The following LPP variants were observed in gnomAD, a reference collection of about 807,000 sequenced individuals.
The protein encoded by LPP is lipoma-preferred partner.
Under a neutral mutation model 60.4 loss-of-function variants are expected in LPP, and 38 were observed. That is an observed-to-expected ratio of 0.63 (90% CI 0.49 to 0.83). The LOEUF (loss-of-function observed/expected upper bound fraction) is 0.83, where lower values mean the gene tolerates loss of function less well. Ranked by LOEUF, LPP falls within the 40% of genes least tolerant of loss-of-function variation. The probability of loss-of-function intolerance (pLI) is 0.00; values close to 1 mark genes in which losing one functional copy is unlikely to be tolerated. For missense variants in LPP, 902 were observed against 783.6 expected, an observed-to-expected ratio of 1.15 and a Z score of -1.80; for synonymous variants, 328 against 290.8, an observed-to-expected ratio of 1.13 and a Z score of -1.30.
intron 4 of LPP, among the ~76,000 whole-genome samples, chr3:188,422,536 C>G (rs1042641591): frequency 6.6e-6 from 1 of 152,076 alleles, no homozygotes; most frequent in Non-Finnish European, 1.5e-5. Flanking sequence ...TTGCAAACAC[C>G]TCATTAAACT....
intron 9 of LPP, among the ~76,000 whole-genome samples, chr3:188,859,082 C>G (rs1764545043): frequency 9.5e-6 from 1 of 105,070 alleles, no homozygotes; most frequent in Non-Finnish European, 1.8e-5. Flanking sequence ...GAGTGAGACT[C>G]TGTCTTTAAA....
chr3:188,642,687 A>C (rs1393117809), intron 7 of LPP, among the ~76,000 whole-genome samples: 1 of 152,132 alleles, frequency 6.6e-6, no homozygotes, highest in Non-Finnish European at 1.5e-5. Flanking sequence ...TTGTAATCCC[A>C]GCACTTTGGG....
chr3:188,820,760 A>G (rs1038910222), intron 9 of LPP, among the ~76,000 whole-genome samples: 3 of 152,192 alleles, frequency 2.0e-5, no homozygotes, highest in Non-Finnish European at 4.4e-5. Context: ...TTGTAAATAA[A>G]TATAACGTTA....
rs56367448 is a variant in LPP, at chr3:188,885,958, A to C, written c.*11479A>C. The C allele has an allele frequency of 6.6e-6, 1 of 152,084 alleles. No homozygotes were observed. The highest frequency in any genetic ancestry group is 1.5e-5 in the Non-Finnish European group (1 of 68,004). 9.4% of individuals were successfully genotyped at this position (152,084 alleles called of 1,614,324 possible). ...TCTTCTTTTGAGAAGTGTCTGTTCA[A>C]TACTATGCAGCCATAAAAAATGATG... On this transcript the variant is annotated 3_prime_UTR_variant, in exon 12 of 12. Coordinates refer to ENST00000617246, the MANE Select transcript of LPP (RefSeq NM_001375462.1).
Position 188,888,578 on chromosome 3 carries a change from A to C in LPP, c.*14099A>C, listed in dbSNP as rs73199049. On this transcript the variant is annotated 3_prime_UTR_variant, in exon 12 of 12. Coordinates refer to ENST00000617246, the MANE Select transcript of LPP (RefSeq NM_001375462.1). ...AGCAAAGTGAGAAGATGAGCACTAAATATAGGCTCTATTAACTTTACTTTT... is the reference window on the plus strand; with the variant it reads ...AGCAAAGTGAGAAGATGAGCACTAACTATAGGCTCTATTAACTTTACTTTT... 4.4e-6 allele frequency: 1 copy of C among 225,752 alleles called. No individual in the cohort carries two copies. The highest frequency in any genetic ancestry group is 8.8e-6 in the Non-Finnish European group (1 of 113,112). 14.0% of individuals were successfully genotyped at this position (225,752 alleles called of 1,614,324 possible).
chr3:188,457,757 A>AT (rs1560429922), intron 4 of LPP, among the ~76,000 whole-genome samples: 14 of 120,500 alleles, frequency 1.2e-4, no homozygotes, highest in African/African-American at 2.8e-4. Flanking sequence ...TATATATATA[A>AT]AATTAGCCAG....
intron 4 of LPP, among the ~76,000 whole-genome samples, chr3:188,416,876 G>A (rs1786431219): frequency 2.0e-5 from 3 of 152,092 alleles, no homozygotes; most frequent in Non-Finnish European, 4.4e-5. Flanking sequence ...TTGGGTCACA[G>A]TAGGCCTATG....
At chr3:188,782,162 A>G (rs969400630) in intron 9 of LPP, among the ~76,000 whole-genome samples, 1 of 152,174 alleles carries the variant, frequency 6.6e-6, no homozygotes, top group African/African-American at 2.4e-5. Context: ...ATGTTGTAAT[A>G]CCAGTTAATA....
intron 2 of LPP, among the ~76,000 whole-genome samples, chr3:188,270,632 T>C (rs1737427759): frequency 6.6e-6 from 1 of 152,120 alleles, no homozygotes; most frequent in Non-Finnish European, 1.5e-5. Flanking sequence ...GGAGGGAGAA[T>C]GCCAGACATG....
At chr3:188,426,796 T>G (rs186322752) in intron 4 of LPP, among the ~76,000 whole-genome samples, 1 of 152,192 alleles carries the variant, frequency 6.6e-6, no homozygotes, top group East Asian at 1.9e-4. Context: ...TTGCTTTCCG[T>G]TTGCTTGGTA....
intron 9 of LPP, among the ~76,000 whole-genome samples, chr3:188,783,514 T>G (rs1740513621): frequency 6.6e-6 from 1 of 151,556 alleles, no homozygotes; most frequent in Non-Finnish European, 1.5e-5. Flanking sequence ...TGAGAACACG[T>G]GGACACAAAT....
At position 188,202,657 on chromosome 3, in the gene LPP, G is replaced by A. The variant is rs150506161; in HGVS notation, c.-189-22748G>A. Among the ~76,000 whole-genome samples the A allele has an allele frequency of 8.6e-3, 1,306 of 152,332 alleles. 33 individuals carry two copies. Among genetic ancestry groups the A allele is most frequent in the Admixed American group, 0.041 (631 of 15,294 alleles). On this transcript the variant is annotated intron_variant, in intron 1 of 11. Coordinates refer to ENST00000617246, the MANE Select transcript of LPP (RefSeq NM_001375462.1). ...GGGATGGCAGCCGCGTGCGTTCCCT[G>A]TGCTGTCCTGTAGGGTTGTGGTGGC...
intron 2 of LPP, chr3:188,247,261 G>GAA (rs71669951): frequency 1.0e-3 from 493 of 476,356 alleles, no homozygotes; most frequent in Non-Finnish European, 1.2e-3. Flanking sequence ...ACTTTAGTGG[G>GAA]AAAAAAAAAA....
intron 6 of LPP, among the ~76,000 whole-genome samples, chr3:188,539,452 A>G (rs1021268452): frequency 6.6e-6 from 1 of 152,192 alleles, no homozygotes; most frequent in African/African-American, 2.4e-5. Context: ...TTGAGAAAGC[A>G]GAATGAAAAC....
intron 2 of LPP, among the ~76,000 whole-genome samples, chr3:188,265,870 G>GGTGTGTGTGTGTGT (rs55722565): frequency 0.016 from 2,348 of 143,398 alleles, 30 homozygotes; most frequent in Non-Finnish European, 0.027. Flanking sequence ...GGATTACTCT[G>GGTGTGTGTGTGTGT]GTGTGTGTGT....
chr3:188,223,614 T>G (rs1406246316), intron 1 of LPP, among the ~76,000 whole-genome samples: 1 of 151,988 alleles, frequency 6.6e-6, no homozygotes, highest in Non-Finnish European at 1.5e-5. Context: ...AGCTGGAGAG[T>G]GTGAGTGAGA....
At position 188,460,181 on chromosome 3, in the gene LPP, C is replaced by A. The variant is rs1308546477; in HGVS notation, c.194-24411C>A. 3.9e-5 allele frequency among the ~76,000 whole-genome samples: 6 copies of A among 152,268 alleles called. No homozygotes were observed. In the South Asian group the frequency reaches 1.2e-3, roughly 32 times the overall value. ...GCATCAGCTTTCTGGGACATGTCAACTTTCCTGTTTTTGAGTCTGAATGGA... is the reference window on the plus strand; with the variant it reads ...GCATCAGCTTTCTGGGACATGTCAAATTTCCTGTTTTTGAGTCTGAATGGA... On this transcript the variant is annotated intron_variant, in intron 4 of 11. Coordinates refer to ENST00000617246, the MANE Select transcript of LPP (RefSeq NM_001375462.1).
At chr3:188,506,810 T>G (rs1243441721) in intron 5 of LPP, among the ~76,000 whole-genome samples, 1 of 152,216 alleles carries the variant, frequency 6.6e-6, no homozygotes, top group Admixed American at 6.5e-5. Context: ...TCATTTTATT[T>G]TTTTTGAGAT....
chr3:188,265,907 G>A (rs1313545455), intron 2 of LPP, among the ~76,000 whole-genome samples: 25 of 148,658 alleles, frequency 1.7e-4, no homozygotes, highest in Non-Finnish European at 1.3e-4. Context: ...GTGTGTGTAT[G>A]TGTTTTGCTT....
Sources: gnomAD v4.1 joint callset for allele counts (sites outside exome capture counted in the v4.1 genomes callset) on GRCh38, gnomAD v4.1.1 for gene constraint, MANE v1.5 for transcripts, NCBI Gene and HGNC (gene_info 2026-07-23, HGNC 2026-07-21) for gene names.